Variants in MICAL2 observed in about 807,000 individuals in gnomAD.
The protein encoded by MICAL2 is microtubule associated monooxygenase, calponin and LIM domain containing 2, also known as [F-actin]-monooxygenase MICAL2.
A neutral mutation model predicts 127.3 loss-of-function variants in MICAL2; 77 were observed. The observed-to-expected ratio is 0.60, with a 90% CI of 0.50 to 0.73. The LOEUF (loss-of-function observed/expected upper bound fraction) is 0.73. MICAL2 is among the 30% of genes least tolerant of loss of function. The pLI is 0.00. For synonymous variants in MICAL2, 570 were observed against 551.1 expected (o/e 1.03, Z -0.48); for missense variants, 1,351 against 1,434.4 (o/e 0.94, Z 0.94).
intron 26 of MICAL2, chr11:12,260,508 A>G (rs1862964660): frequency 1.9e-6 from 2 of 1,051,344 alleles, no homozygotes; most frequent in Non-Finnish European, 2.3e-6. Context: ...GAAGCTTATA[A>G]CCAGTTTTAT....
chr11:12,129,601 C>A (rs1328585104), intron 1 of MICAL2, among the ~76,000 whole-genome samples: 1 of 142,614 alleles, frequency 7.0e-6, no homozygotes, highest in African/African-American at 2.7e-5. Flanking sequence ...ACCAGCCGAC[C>A]TTTATACAAT....
chr11:12,247,595 G>C (rs771591244), intron 21 of MICAL2, among the ~76,000 whole-genome samples: 1 of 152,144 alleles, frequency 6.6e-6, no homozygotes, highest in Admixed American at 6.5e-5. Flanking sequence ...GGAGTGGTGA[G>C]TTTCTGGTTT....
rs375987155 is a variant in MICAL2, at chr11:12,239,528, G to A, written c.2157G>A (p.Ala719=). Residue 719 remains alanine (A), a synonymous_variant, in exon 17 of 28, where the codon GCG becomes GCA. Coordinates refer to ENST00000683283, the MANE Select transcript of MICAL2 (RefSeq NM_001282663.2). Reference sequence around the variant, plus strand: ...ATCAGAACAAAGTCAAGTCCATGGCGAATCAGCTGCTGGCCAAGTTTGAGG... The same window carrying A: ...ATCAGAACAAAGTCAAGTCCATGGCAAATCAGCTGCTGGCCAAGTTTGAGG... ...GGNQNKVKSM[A]NQLLAKFEES... The A allele has an allele frequency of 4.2e-5, 68 of 1,614,180 alleles. No individual in the cohort carries two copies. The Middle Eastern group carries it at 5.0e-4, about 12-fold the overall frequency.
exon 33 of MICAL2, chr11:12,349,838 A>T (rs975649487): frequency 6.2e-7 from 1 of 1,614,094 alleles, no homozygotes; most frequent in East Asian, 2.2e-5. Flanking sequence ...TCTTAAGCAG[A>T]TTCAGGCACA....
Position 12,262,769 on chromosome 11 carries a change from T to C in MICAL2, c.*17+232T>C. ...GGCAGCCTGGTCTACCCCAAGTGCA[T>C]GCCCCGCCTCTCCTCTCTCCCTTGG... On this transcript the variant is annotated intron_variant, in intron 27 of 27. Transcript: ENST00000683283. 5.9e-6 allele frequency: 3 copies of C among 504,252 alleles called. 1 individual carries two copies. In the South Asian group the frequency reaches 7.7e-5, roughly 13 times the overall value. The allele number at this position is 504,252 out of a possible 1,614,324, so 31.2% of individuals were successfully genotyped here. A position where few individuals can be genotyped will look rare whatever the true frequency, so the allele number is the denominator to read the frequency against.
At chr11:12,167,632 A>G (rs1362381041) in intron 3 of MICAL2, among the ~76,000 whole-genome samples, 1 of 152,196 alleles carries the variant, frequency 6.6e-6, no homozygotes, top group Non-Finnish European at 1.5e-5. Context: ...CATAACCGAT[A>G]AAGCAGAAGA....
intron 1 of MICAL2, among the ~76,000 whole-genome samples, chr11:12,118,798 A>G (rs1023346513): frequency 1.3e-5 from 2 of 152,224 alleles, no homozygotes; most frequent in Non-Finnish European, 2.9e-5. Context: ...TGATCTGGAG[A>G]TGAAATTAAA....
At chr11:12,209,719 G>A in intron 6 of MICAL2, 121 bp downstream of exon 6, 2 of 859,910 alleles carry the variant, frequency 2.3e-6, no homozygotes, top group South Asian at 3.0e-5. Context: ...GTTTTGATAG[G>A]AGGGCAGACC....
intron 21 of MICAL2, among the ~76,000 whole-genome samples, chr11:12,245,691 T>C (rs1860636537): frequency 6.6e-6 from 1 of 152,232 alleles, no homozygotes; most frequent in Non-Finnish European, 1.5e-5. Context: ...TCCTGACCTG[T>C]CTGGGCCTCC....
chr11:12,190,235 G>T (rs1216991281), intron 3 of MICAL2, among the ~76,000 whole-genome samples: 1 of 152,160 alleles, frequency 6.6e-6, no homozygotes, highest in Non-Finnish European at 1.5e-5. Flanking sequence ...AGGCCTCAAA[G>T]TTCCTCTGGT....
intron 32 of MICAL2, among the ~76,000 whole-genome samples, chr11:12,333,217 G>A (rs773237242): frequency 1.3e-5 from 2 of 152,064 alleles, no homozygotes; most frequent in African/African-American, 2.4e-5. Flanking sequence ...ACTTAATCCC[G>A]TTAGTTTTTA....
At chr11:12,152,297 C>CAAAAAAAAAAA (rs540812572) in intron 2 of MICAL2, among the ~76,000 whole-genome samples, 86 of 38,338 alleles carry the variant, frequency 2.2e-3, no homozygotes, top group Non-Finnish European at 2.7e-3. Flanking sequence ...GACTCTGTCT[C>CAAAAAAAAAAA]AAAAAAAAAA....
In MICAL2 at chr11:12,208,022, G is replaced by C; in HGVS notation, c.473-1G>C. The C allele has an allele frequency of 1.2e-6, 2 of 1,612,468 alleles. No individual in the cohort carries two copies. The highest frequency in any genetic ancestry group is 1.7e-6 in the Non-Finnish European group (2 of 1,178,438). ...GTTCCTCTCTCCTTCCTGCCTGACA[G>C]GTATTCGCCAACTACAGCTCATCCT... On this transcript the variant is annotated splice_acceptor_variant, in intron 4 of 27. Transcript: ENST00000683283. LOFTEE classifies it high-confidence loss of function.
chr11:12,278,041 C>CTA (rs1863738944), intron 1 of MICAL2, among the ~76,000 whole-genome samples: 1 of 152,176 alleles, frequency 6.6e-6, no homozygotes, highest in Non-Finnish European at 1.5e-5. Context: ...AGGGCACTTA[C>CTA]TATAAATGGA....
chr11:12,316,863 A>G (rs1252932978), intron 29 of MICAL2, among the ~76,000 whole-genome samples: 1 of 152,182 alleles, frequency 6.6e-6, no homozygotes, highest in Non-Finnish European at 1.5e-5. Context: ...AGCTTTTTTC[A>G]GGTGAATCTA....
chr11:12,281,269 C>A (rs1399750538), intron 2 of MICAL2, among the ~76,000 whole-genome samples: 1 of 152,208 alleles, frequency 6.6e-6, no homozygotes, highest in Non-Finnish European at 1.5e-5. Flanking sequence ...AGTGAAGGGA[C>A]TTGAACCAGG....
intron 1 of MICAL2, among the ~76,000 whole-genome samples, chr11:12,127,857 TA>T (rs1470189202): frequency 6.6e-6 from 1 of 152,220 alleles, no homozygotes; most frequent in African/African-American, 2.4e-5. Flanking sequence ...TAAAAAAGTC[TA>T]CTCATTTGAC....
downstream of MICAL2, among the ~76,000 whole-genome samples, chr11:12,265,752 A>G (rs1027179787): frequency 9.2e-5 from 14 of 152,216 alleles, no homozygotes; most frequent in African/African-American, 2.9e-4. Flanking sequence ...TTTAAAAGTA[A>G]ACACTAAAAA....
intron 32 of MICAL2, among the ~76,000 whole-genome samples, chr11:12,330,547 G>A (rs1864403912): frequency 1.3e-5 from 2 of 152,114 alleles, no homozygotes; most frequent in African/African-American, 4.8e-5. Context: ...CATTGAATTA[G>A]AGGAACATGC....
Sources: gnomAD v4.1 joint callset for allele counts (sites outside exome capture counted in the v4.1 genomes callset) on GRCh38, gnomAD v4.1.1 for gene constraint, MANE v1.5 for transcripts, NCBI Gene and HGNC (gene_info 2026-07-23, HGNC 2026-07-21) for gene names.